The following SSH2 variants were observed in gnomAD, a reference collection of about 807,000 sequenced individuals.
The protein encoded by SSH2 is protein phosphatase Slingshot homolog 2.
In SSH2, 37 loss-of-function variants were observed where a neutral mutation model predicts 135.2. The ratio of observed to expected loss-of-function variants is 0.27; its 90% CI spans 0.21 to 0.36. The LOEUF is 0.36. Among genes scored for constraint, SSH2 ranks in the 10% least tolerant of loss-of-function variants. SSH2 has a pLI of 1.00. For synonymous variants in SSH2, 628 were observed against 646.2 expected (o/e 0.97, Z 0.43); for missense variants, 1,408 against 1,765.3 (o/e 0.80, Z 3.63).
chr17:29,762,096 G>C (rs1170490623), intron 3 of SSH2, among the ~76,000 whole-genome samples: 1 of 151,988 alleles, frequency 6.6e-6, no homozygotes, highest in African/African-American at 2.4e-5. Flanking sequence ...GGCCAGGCTG[G>C]TCTCAAACTC....
intron 3 of SSH2, among the ~76,000 whole-genome samples, chr17:29,763,382 TG>T (rs2041367658): frequency 1.3e-5 from 2 of 151,790 alleles, no homozygotes; most frequent in Non-Finnish European, 2.9e-5. Flanking sequence ...CAAATGGTAG[TG>T]TAAAAAAAAA....
At chr17:29,707,152 CA>C (rs11370020) in intron 3 of SSH2, 100 of 140,876 alleles carry the variant, frequency 7.1e-4, no homozygotes, top group African/African-American at 7.8e-4. Flanking sequence ...CACTCCGCCT[CA>C]AAAAAAAAAA....
chr17:29,744,559 G>A (rs1481187004), intron 3 of SSH2, among the ~76,000 whole-genome samples: 1 of 152,100 alleles, frequency 6.6e-6, no homozygotes, highest in Non-Finnish European at 1.5e-5. Context: ...TATCCACTAG[G>A]GTGATTTTCA....
At chr17:29,698,179 G>A (rs2038837722) in intron 4 of SSH2, among the ~76,000 whole-genome samples, 1 of 152,266 alleles carries the variant, frequency 6.6e-6, no homozygotes, top group Non-Finnish European at 1.5e-5. Flanking sequence ...CTTAGGGCTG[G>A]TAGAGAGGGT....
chr17:29,790,536 A>T (rs2151300673), intron 3 of SSH2, among the ~76,000 whole-genome samples: 1 of 152,218 alleles, frequency 6.6e-6, no homozygotes. Flanking sequence ...CTTTATATCC[A>T]CATTCTGGAT....
chr17:29,785,734 C>T (rs997631974), intron 3 of SSH2, among the ~76,000 whole-genome samples: 3 of 151,012 alleles, frequency 2.0e-5, no homozygotes, highest in Non-Finnish European at 2.9e-5. Flanking sequence ...CTCGTGACCT[C>T]GAGATCCACC....
chr17:29,924,637 G>GT (rs112235039), intron 1 of SSH2, among the ~76,000 whole-genome samples: 137 of 148,332 alleles, frequency 9.2e-4, no homozygotes, highest in Middle Eastern at 3.4e-3. Context: ...GTACTTGTGG[G>GT]TTTTTTTTTT....
Position 29,631,041 on chromosome 17 carries a change from G to A in SSH2, c.4153C>T (p.Leu1385Phe), listed in dbSNP as rs1482506385. The change falls in exon 16 of 16, where the codon CTC becomes TTC. Residue 1385 changes from leucine (L) to phenylalanine (F), a missense_variant. Around this residue, in one of 3 missense-constraint regions of SSH2, gnomAD observed 1,080 missense variants for 1,144.5 expected, o/e 0.94. Transcript: ENST00000540801. ...GTCAATTCAAGTCCTGCCCTGGGGAGCAAATACTGCTGACTAGAACCAAAT... is the reference window on the plus strand; with the variant it reads ...GTCAATTCAAGTCCTGCCCTGGGGAACAAATACTGCTGACTAGAACCAAAT... Reference protein sequence around the residue: ...KEFGSSQQYLLPRAGLELTSS... With the variant: ...KEFGSSQQYLFPRAGLELTSS... 1.9e-6 allele frequency: 3 copies of A among 1,614,104 alleles called. No individual in the cohort carries two copies. Among genetic ancestry groups the A allele is most frequent in the Non-Finnish European group, 2.5e-6 (3 of 1,180,048 alleles).
At chr17:29,901,355 A>G (rs753144387) in intron 1 of SSH2, among the ~76,000 whole-genome samples, 1 of 152,210 alleles carries the variant, frequency 6.6e-6, no homozygotes, top group Admixed American at 6.5e-5. Flanking sequence ...ATAAAATTCA[A>G]TCACTATCAA....
At chr17:29,695,124 T>A (rs895945179) in intron 5 of SSH2, among the ~76,000 whole-genome samples, 10 of 152,164 alleles carry the variant, frequency 6.6e-5, no homozygotes, top group Non-Finnish European at 1.0e-4. Flanking sequence ...GTTAAGTCCT[T>A]ATCTAGAATA....
chr17:29,638,344 A>C (rs2036001565), intron 14 of SSH2, among the ~76,000 whole-genome samples: 1 of 151,712 alleles, frequency 6.6e-6, no homozygotes, highest in Non-Finnish European at 1.5e-5. Flanking sequence ...ATGATATACA[A>C]GGTATACTAT....
intron 1 of SSH2, among the ~76,000 whole-genome samples, chr17:29,913,347 A>AAAAAAAAAAAAAAAAAAATAT: frequency 3.5e-5 from 1 of 28,778 alleles, no homozygotes; most frequent in Non-Finnish European, 5.9e-5. Flanking sequence ...AAAAAAAAAA[A>AAAAAAAAAAAAAAAAAAATAT]ATATATATAT....
At chr17:29,872,611 T>TA (rs528870384) in intron 1 of SSH2, among the ~76,000 whole-genome samples, 1 of 150,652 alleles carries the variant, frequency 6.6e-6, no homozygotes, top group Non-Finnish European at 1.5e-5. Context: ...AAAATAAAAA[T>TA]AAAAAAAAGG....
At chr17:29,661,453 G>A (rs1019212618) in intron 11 of SSH2, among the ~76,000 whole-genome samples, 7 of 152,178 alleles carry the variant, frequency 4.6e-5, no homozygotes, top group Non-Finnish European at 8.8e-5. Flanking sequence ...GTTGAACTGG[G>A]AAAGCTCAAG....
At chr17:29,749,148 C>T (rs1346061702) in intron 3 of SSH2, among the ~76,000 whole-genome samples, 2 of 152,198 alleles carry the variant, frequency 1.3e-5, no homozygotes, top group Non-Finnish European at 2.9e-5. Context: ...CCAGAACCTA[C>T]ACCACACAGT....
At chr17:29,768,879 A>G (rs1201219784) in intron 3 of SSH2, among the ~76,000 whole-genome samples, 1 of 152,064 alleles carries the variant, frequency 6.6e-6, no homozygotes, top group Non-Finnish European at 1.5e-5. Flanking sequence ...AAAATAACTG[A>G]AATTTTTGAG....
chr17:29,689,223 C>T (rs116221085), intron 5 of SSH2, among the ~76,000 whole-genome samples: 187 of 152,144 alleles, frequency 1.2e-3, no homozygotes, highest in African/African-American at 4.3e-3. Flanking sequence ...ATCTATGTGC[C>T]GCAGCCATAA....
At chr17:29,748,204 T>G (rs2040823310) in intron 3 of SSH2, among the ~76,000 whole-genome samples, 1 of 152,154 alleles carries the variant, frequency 6.6e-6, no homozygotes, top group Non-Finnish European at 1.5e-5. Flanking sequence ...AGTTATAGGT[T>G]AATTACTGCT....
chr17:29,850,182 T>C (rs946439076), intron 1 of SSH2, among the ~76,000 whole-genome samples: 3 of 151,386 alleles, frequency 2.0e-5, no homozygotes, highest in Non-Finnish European at 4.4e-5. Context: ...GACAAAGGAG[T>C]GAAATAATTA....
Sources: gnomAD v4.1 joint callset for allele counts (sites outside exome capture counted in the v4.1 genomes callset) on GRCh38, gnomAD v4.1.1 for gene constraint, gnomAD v4.1.1 regional missense constraint, MANE v1.5 for transcripts, NCBI Gene and HGNC (gene_info 2026-07-23, HGNC 2026-07-21) for gene names.